Variants in ERBB4 observed in about 807,000 individuals in gnomAD.
The protein encoded by ERBB4 is erb-b2 receptor tyrosine kinase 4, also known as receptor tyrosine-protein kinase erbB-4.
Under a neutral mutation model 158.0 loss-of-function variants are expected in ERBB4, and 42 were observed. The ratio of observed to expected loss-of-function variants is 0.27; its 90% confidence interval spans 0.21 to 0.34. The LOEUF (loss-of-function observed/expected upper bound fraction) is 0.34, where lower values mean the gene tolerates loss of function less well. ERBB4 is among the 10% of genes least tolerant of loss of function. The pLI is 1.00. For synonymous variants in ERBB4, 583 were observed against 558.7 expected, an observed-to-expected ratio of 1.04 and a Z score of -0.61; for missense variants, 1,333 against 1,624.1, an observed-to-expected ratio of 0.82 and a Z score of 3.08.
chr2:212,275,222 G>T (rs961883642), intron 1 of ERBB4, among the ~76,000 whole-genome samples: 1 of 151,826 alleles, frequency 6.6e-6, no homozygotes, highest in Non-Finnish European at 1.5e-5. Flanking sequence ...GAACAGTGCC[G>T]CAATAAACAT....
chr2:211,835,221 A>G lies in ERBB4; in HGVS notation c.422-47062T>C, dbSNP rs115912188. 3.3e-3 allele frequency among the ~76,000 whole-genome samples: 501 copies of G among 152,264 alleles called. 3 individuals carry two copies. Among genetic ancestry groups the G allele is most frequent in the African/African-American group, 0.012 (483 of 41,588 alleles). ...AGCCTTCCACAACTTCAGCTCTTCA[A>G]AAGTTACGCAAAGTAACAAAAATAC... On this transcript the variant is annotated intron_variant, in intron 3 of 27. Coordinates refer to ENST00000342788, the MANE Select transcript of ERBB4 (RefSeq NM_005235.3).
chr2:212,373,444 T>G (rs559109237), intron 1 of ERBB4, among the ~76,000 whole-genome samples: 46 of 152,136 alleles, frequency 3.0e-4, no homozygotes, highest in African/African-American at 1.1e-3. Context: ...ATAATAATGA[T>G]AGTAATAGTT....
intron 3 of ERBB4, among the ~76,000 whole-genome samples, chr2:211,862,516 A>G (rs2078086717): frequency 6.6e-6 from 1 of 152,202 alleles, no homozygotes; most frequent in Admixed American, 6.5e-5. Context: ...CACTAGATTA[A>G]TTCATGGAGA....
chr2:211,699,520 G>A (rs1214848468), intron 12 of ERBB4, among the ~76,000 whole-genome samples: 1 of 151,988 alleles, frequency 6.6e-6, no homozygotes, highest in African/African-American at 2.4e-5. Context: ...TTATGGATCC[G>A]GTGTGCTGTG....
intron 1 of ERBB4, among the ~76,000 whole-genome samples, chr2:212,226,489 C>G (rs546867587): frequency 6.6e-6 from 1 of 151,962 alleles, no homozygotes; most frequent in East Asian, 1.9e-4. Flanking sequence ...AATGCTTTAT[C>G]TAAGTCATAG....
chr2:211,885,981 T>A (rs1014300567), intron 3 of ERBB4, among the ~76,000 whole-genome samples: 1 of 152,202 alleles, frequency 6.6e-6, no homozygotes, highest in Non-Finnish European at 1.5e-5. Context: ...ATTCTGTTAA[T>A]AAATTTTCTA....
At chr2:212,194,413 C>A (rs1354172345) in intron 1 of ERBB4, among the ~76,000 whole-genome samples, 2 of 151,838 alleles carry the variant, frequency 1.3e-5, no homozygotes, top group African/African-American at 2.4e-5. Context: ...AAAATATTTT[C>A]TATCATTTAA....
chr2:211,842,064 G>A (rs1433335570), intron 3 of ERBB4, among the ~76,000 whole-genome samples: 1 of 151,926 alleles, frequency 6.6e-6, no homozygotes, highest in Non-Finnish European at 1.5e-5. Flanking sequence ...TGTTTATTAA[G>A]TCAAAAGTGA....
intron 7 of ERBB4, among the ~76,000 whole-genome samples, chr2:211,719,383 A>C (rs961375308): frequency 3.3e-5 from 5 of 152,128 alleles, no homozygotes; most frequent in Admixed American, 2.0e-4. Context: ...TTTCCAAGTA[A>C]CCACCTTTTT....
intron 20 of ERBB4, among the ~76,000 whole-genome samples, chr2:211,468,950 G>A (rs2064766529): frequency 6.7e-6 from 1 of 150,210 alleles, no homozygotes; most frequent in Admixed American, 6.6e-5. Flanking sequence ...AAGGCAGAGA[G>A]TCCTGTGTTT....
chr2:212,433,973 G>A (rs1163178944), intron 1 of ERBB4, among the ~76,000 whole-genome samples: 1 of 151,906 alleles, frequency 6.6e-6, no homozygotes, highest in Non-Finnish European at 1.5e-5. Flanking sequence ...CCTCTGTTCA[G>A]CTGTTAAACT....
At chr2:211,523,727 A>G (rs1030656691) in intron 20 of ERBB4, among the ~76,000 whole-genome samples, 1 of 152,026 alleles carries the variant, frequency 6.6e-6, no homozygotes, top group Non-Finnish European at 1.5e-5. Flanking sequence ...TGTGGACCCA[A>G]TGAGTGAGCA....
chr2:212,095,009 T>G (rs2078886957), intron 2 of ERBB4, among the ~76,000 whole-genome samples: 1 of 152,176 alleles, frequency 6.6e-6, no homozygotes, highest in Admixed American at 6.5e-5. Flanking sequence ...TGATACTGTT[T>G]TTTTTTCTTT....
intron 1 of ERBB4, among the ~76,000 whole-genome samples, chr2:212,141,769 G>A (rs1044141129): frequency 8.6e-5 from 13 of 151,984 alleles, no homozygotes; most frequent in African/African-American, 2.2e-4. Flanking sequence ...TTCAAGCCAC[G>A]AAAGTCCCTA....
At chr2:211,542,005 A>AT (rs367665481) in intron 20 of ERBB4, among the ~76,000 whole-genome samples, 8,576 of 151,796 alleles carry the variant, frequency 0.056, 340 homozygotes, top group Middle Eastern at 0.085. Flanking sequence ...TAGGGTCCAC[A>AT]TTTTTTTTAT....
At chr2:211,547,206 T>G (rs1294217407) in intron 20 of ERBB4, among the ~76,000 whole-genome samples, 2 of 152,102 alleles carry the variant, frequency 1.3e-5, no homozygotes, top group Non-Finnish European at 2.9e-5. Context: ...TCTCTTTAAA[T>G]TTTTGGAAAC....
At chr2:212,095,934 C>CAAAA (rs746751111) in intron 2 of ERBB4, among the ~76,000 whole-genome samples, 1 of 53,072 alleles carries the variant, frequency 1.9e-5, no homozygotes, top group African/African-American at 5.8e-5. Flanking sequence ...GACTCTGTCT[C>CAAAA]AAAAAAAAAA....
chr2:211,773,177 T>A (rs952238926), intron 4 of ERBB4, among the ~76,000 whole-genome samples: 1 of 150,178 alleles, frequency 6.7e-6, no homozygotes, highest in Non-Finnish European at 1.5e-5. Flanking sequence ...ATGACGGGAG[T>A]CCTTGGTAGC....
intron 4 of ERBB4, among the ~76,000 whole-genome samples, chr2:211,774,636 A>G (rs889350480): frequency 1.3e-5 from 2 of 152,250 alleles, no homozygotes; most frequent in Non-Finnish European, 2.9e-5. Context: ...AACATATGTC[A>G]CTGGGCAGGC....
Sources: allele counts gnomAD v4.1 joint callset (sites outside exome capture counted in the v4.1 genomes callset), GRCh38; gene constraint gnomAD v4.1.1; transcripts MANE v1.5; gene names NCBI Gene and HGNC (gene_info 2026-07-23, HGNC 2026-07-21).